EYA1: variants seen among roughly 807,000 people sequenced by gnomAD.
The protein encoded by EYA1 is protein phosphatase EYA1.
EYA1 carries 16 observed loss-of-function variants against 82.0 expected under a neutral mutation model. The ratio of observed to expected loss-of-function variants is 0.20; its 90% CI spans 0.13 to 0.30. The LOEUF (loss-of-function observed/expected upper bound fraction) is 0.30, where lower values mean the gene tolerates loss of function less well. EYA1 is among the 10% of genes least tolerant of loss of function. EYA1 has a pLI of 1.00. For missense variants in EYA1, 633 were observed against 730.7 expected, an observed-to-expected ratio of 0.87 and a Z score of 1.54; for synonymous variants, 261 against 264.4, an observed-to-expected ratio of 0.99 and a Z score of 0.12.
At chr8:71,504,858 G>C (rs561272123) in intron 2 of EYA1, among the ~76,000 whole-genome samples, 6 of 152,218 alleles carry the variant, frequency 3.9e-5, no homozygotes, top group Admixed American at 3.9e-4. Context: ...CTAGAGTGCT[G>C]TGGTATGAGC....
At chr8:71,320,533 A>G (rs922166823) in intron 6 of EYA1, among the ~76,000 whole-genome samples, 1 of 152,196 alleles carries the variant, frequency 6.6e-6, no homozygotes, top group Admixed American at 6.5e-5. Flanking sequence ...AATAAAAGTT[A>G]TGGAAAAGAG....
At chr8:71,247,147 C>T (rs138464158) in intron 11 of EYA1, among the ~76,000 whole-genome samples, 3 of 151,432 alleles carry the variant, frequency 2.0e-5, no homozygotes, top group Non-Finnish European at 2.9e-5. Context: ...CCTCTCACCC[C>T]CTTAGCACTA....
At chr8:71,297,155 C>G (rs1008103035) in intron 9 of EYA1, among the ~76,000 whole-genome samples, 1 of 152,074 alleles carries the variant, frequency 6.6e-6, no homozygotes, top group Non-Finnish European at 1.5e-5. Context: ...ACACTAAGCA[C>G]TTTTACTTTT....
intron 2 of EYA1, among the ~76,000 whole-genome samples, chr8:71,401,727 C>T (rs1451051636): frequency 7.9e-5 from 12 of 152,176 alleles, no homozygotes; most frequent in Non-Finnish European, 1.3e-4. Context: ...AGACCCTCTA[C>T]GTAAAAGGGC....
chr8:71,520,795 T>C (rs964852381), intron 2 of EYA1, among the ~76,000 whole-genome samples: 12 of 152,102 alleles, frequency 7.9e-5, no homozygotes, highest in Non-Finnish European at 1.2e-4. Context: ...AAGCTGTGAC[T>C]TTTTTTACAT....
chr8:71,547,524 G>C (rs1030667812), intron 1 of EYA1: 3 of 152,136 alleles, frequency 2.0e-5, no homozygotes, highest in African/African-American at 7.2e-5. Context: ...CCTGGCGGCG[G>C]CGCCCTAGGC....
chr8:71,517,990 C>T (rs1453379643), intron 2 of EYA1, among the ~76,000 whole-genome samples: 1 of 151,700 alleles, frequency 6.6e-6, no homozygotes, highest in Non-Finnish European at 1.5e-5. Context: ...TCAGCACATA[C>T]GTATCTATAC....
intron 2 of EYA1, among the ~76,000 whole-genome samples, chr8:71,437,498 T>A (rs1806101951): frequency 6.6e-6 from 1 of 152,052 alleles, no homozygotes. Flanking sequence ...GATTAAATAA[T>A]GTCATATGCA....
intron 11 of EYA1, among the ~76,000 whole-genome samples, chr8:71,269,533 T>C (rs186869261): frequency 6.6e-6 from 1 of 152,364 alleles, no homozygotes; most frequent in African/African-American, 2.4e-5. Flanking sequence ...TTGAACAAAG[T>C]GTATCTTATT....
intron 9 of EYA1, among the ~76,000 whole-genome samples, chr8:71,291,660 T>C (rs1008137499): frequency 2.0e-5 from 3 of 152,236 alleles, no homozygotes; most frequent in Non-Finnish European, 4.4e-5. Flanking sequence ...CTGCTTTATA[T>C]TTGTATTATT....
chr8:71,347,312 TTTTATTTA>T (rs151215046), intron 3 of EYA1, among the ~76,000 whole-genome samples: 25 of 151,810 alleles, frequency 1.6e-4, no homozygotes, highest in African/African-American at 4.6e-4. Flanking sequence ...CTAAAGATTG[TTTTATTTA>T]TTTATTTATT....
At chr8:71,288,440 C>A (rs1477915164) in intron 9 of EYA1, among the ~76,000 whole-genome samples, 1 of 152,162 alleles carries the variant, frequency 6.6e-6, no homozygotes, top group African/African-American at 2.4e-5. Flanking sequence ...TCAGAGATGT[C>A]ACCAATGGCA....
chr8:71,254,405 A>G (rs779724707), intron 11 of EYA1, among the ~76,000 whole-genome samples: 10 of 152,180 alleles, frequency 6.6e-5, no homozygotes, highest in African/African-American at 9.6e-5. Flanking sequence ...GGAACTCTGT[A>G]GGACAGACAG....
Position 71,484,695 on chromosome 8 carries a change from G to A in EYA1, c.33+51049C>T, listed in dbSNP as rs187985491. On this transcript the variant is annotated intron_variant, in intron 2 of 18. Coordinates refer to the EYA1 transcript ENST00000643681. ...GGCCATGTACAACGGGTTGAGGTGT[G>A]CTGGGAAATCCTCTCCTAATGAAAA... 2.6e-5 allele frequency among the ~76,000 whole-genome samples: 4 copies of A among 152,348 alleles called. No individual in the cohort carries two copies. In the East Asian group the frequency reaches 5.8e-4, roughly 22 times the overall value.
At chr8:71,307,686 A>G (rs1442372634) in intron 7 of EYA1, among the ~76,000 whole-genome samples, 1 of 152,204 alleles carries the variant, frequency 6.6e-6, no homozygotes, top group Non-Finnish European at 1.5e-5. Context: ...ATGGATTTTT[A>G]CCTCATAAAA....
chr8:71,201,431 ACTCT>A (rs151033006), intron 17 of EYA1, among the ~76,000 whole-genome samples: 2 of 149,226 alleles, frequency 1.3e-5, no homozygotes, highest in Admixed American at 6.7e-5. Context: ...GTTCAAACTA[ACTCT>A]CTCTCTCTCT....
At chr8:71,547,028 A>G (rs1345975891) in intron 1 of EYA1, among the ~76,000 whole-genome samples, 1 of 139,810 alleles carries the variant, frequency 7.2e-6, no homozygotes, top group Non-Finnish European at 1.6e-5. Flanking sequence ...CCCGTCCCCA[A>G]CCCTCATAAA....
chr8:71,424,653 C>G (rs1023715305), intron 2 of EYA1, among the ~76,000 whole-genome samples: 2 of 152,112 alleles, frequency 1.3e-5, no homozygotes, highest in African/African-American at 4.8e-5. Flanking sequence ...GCTGGAGAAG[C>G]CTGTTTCCAG....
intron 2 of EYA1, among the ~76,000 whole-genome samples, chr8:71,406,713 G>A (rs191474592): frequency 2.5e-4 from 38 of 151,980 alleles, no homozygotes; most frequent in Admixed American, 1.2e-3. Flanking sequence ...CAACTGGCTC[G>A]GAGGGTCCTA....
Sources: gnomAD v4.1 joint callset for allele counts (sites outside exome capture counted in the v4.1 genomes callset) on GRCh38, gnomAD v4.1.1 for gene constraint, MANE v1.5 for transcripts, NCBI Gene and HGNC (gene_info 2026-07-23, HGNC 2026-07-21) for gene names.